B3GALT1: variants seen among roughly 807,000 people sequenced by gnomAD.
B3GALT1 encodes the protein beta-1,3-galactosyltransferase 1.
B3GALT1 carries 10 observed loss-of-function variants against 23.2 expected under a neutral mutation model. The observed-to-expected ratio is 0.43, with a 90% CI of 0.27 to 0.73. The LOEUF is 0.73. B3GALT1 is among the 30% of genes least tolerant of loss of function. The pLI is 0.21. For synonymous variants in B3GALT1, 156 were observed against 141.5 expected (o/e 1.10, Z -0.73); for missense variants, 299 against 405.4 (o/e 0.74, Z 2.25).
intron 4 of B3GALT1, among the ~76,000 whole-genome samples, chr2:167,837,947 A>C (rs1257835062): frequency 6.6e-6 from 1 of 152,202 alleles, no homozygotes; most frequent in African/African-American, 2.4e-5. Flanking sequence ...TAACAAATGA[A>C]GGCAGACATA....
At chr2:167,680,222 C>T (rs1409953756) in intron 3 of B3GALT1, among the ~76,000 whole-genome samples, 1 of 152,120 alleles carries the variant, frequency 6.6e-6, no homozygotes, top group Admixed American at 6.5e-5. Context: ...TTCAGATGCA[C>T]GGAAGAGATT....
chr2:167,776,450 CAG>C (rs1220995073), intron 3 of B3GALT1, among the ~76,000 whole-genome samples: 2 of 152,162 alleles, frequency 1.3e-5, no homozygotes, highest in African/African-American at 4.8e-5. Flanking sequence ...GTATGAAAGA[CAG>C]AGCTGATGAC....
At chr2:167,607,118 A>G (rs1684975910) in intron 2 of B3GALT1, among the ~76,000 whole-genome samples, 1 of 152,210 alleles carries the variant, frequency 6.6e-6, no homozygotes, top group African/African-American at 2.4e-5. Context: ...TGAATTAACA[A>G]GAAGAAAACA....
chr2:167,318,265 C>T lies in B3GALT1; in HGVS notation c.-511+24931C>T, dbSNP rs191152659. 1.3e-3 allele frequency among the ~76,000 whole-genome samples: 196 copies of T among 151,788 alleles called. 1 individual carries two copies. Among genetic ancestry groups the T allele is most frequent in the African/African-American group, 4.1e-3 (168 of 41,398 alleles). ...GCTTGAACCTAGGAGATGGAGGTTG[C>T]GGTGAGCCGAGATCACACCACTCCA... is the stretch of plus-strand genomic sequence containing the variant. On this transcript the variant is annotated intron_variant, in intron 1 of 4. Coordinates refer to ENST00000392690, the MANE Select transcript of B3GALT1 (RefSeq NM_020981.4).
At position 167,559,696 on chromosome 2, in the gene B3GALT1, A is replaced by T. The variant is rs368101729; in HGVS notation, c.-410+69419A>T. ...GACCCAGTGCGATCAACTGGAAGAA[A>T]GGGTATCAGTGATGGAAGACGAAAT... is the stretch of plus-strand genomic sequence containing the variant. On this transcript the variant is annotated intron_variant, in intron 2 of 4. Transcript: ENST00000392690. 1.1e-3 allele frequency among the ~76,000 whole-genome samples: 161 copies of T among 152,358 alleles called. 2 individuals are homozygous for T. The South Asian group carries it at 0.019, about 18-fold the overall frequency.
At chr2:167,761,614 G>A (rs771813778) in intron 3 of B3GALT1, among the ~76,000 whole-genome samples, 1 of 152,192 alleles carries the variant, frequency 6.6e-6, no homozygotes, top group African/African-American at 2.4e-5. Context: ...CCAAGGCAGT[G>A]AACCAGTACT....
intron 1 of B3GALT1, among the ~76,000 whole-genome samples, chr2:167,458,513 AATTTTTT>A (rs1559103408): frequency 1.3e-5 from 2 of 152,090 alleles, no homozygotes; most frequent in African/African-American, 4.8e-5. Context: ...TTCTATTTTT[AATTTTTT>A]GAGAAACTTC....
At chr2:167,690,746 C>T (rs1177958134) in intron 3 of B3GALT1, among the ~76,000 whole-genome samples, 1 of 152,116 alleles carries the variant, frequency 6.6e-6, no homozygotes, top group Non-Finnish European at 1.5e-5. Context: ...TCCCTAGTTT[C>T]ATCACTATTC....
intron 1 of B3GALT1, among the ~76,000 whole-genome samples, chr2:167,450,219 G>C (rs1264814018): frequency 2.9e-5 from 1 of 34,718 alleles, no homozygotes; most frequent in Non-Finnish European, 4.6e-5. Flanking sequence ...CCTTGTCCTG[G>C]AATATTTTTT....
At chr2:167,774,683 A>G (rs1688131996) in intron 3 of B3GALT1, among the ~76,000 whole-genome samples, 1 of 151,232 alleles carries the variant, frequency 6.6e-6, no homozygotes, top group Non-Finnish European at 1.5e-5. Context: ...TTTTTAGTAG[A>G]GACAGGGTTT....
At position 167,871,587 on chromosome 2, in the gene B3GALT1, G is replaced by A. The variant is rs1304447380; in HGVS notation, c.*1567G>A. 6.6e-6 allele frequency: 1 copy of A among 152,176 alleles called. No homozygotes were observed. 9.4% of individuals were successfully genotyped at this position (152,176 alleles called of 1,614,324 possible). On this transcript the variant is annotated 3_prime_UTR_variant, in exon 5 of 5. Transcript: ENST00000392690. ...TCAGTGTGTTGCCTTGATATCCCAA[G>A]GTGCTGAAAGTAGAGGCAGCTGCCT... is the stretch of plus-strand genomic sequence containing the variant.
At chr2:167,441,228 T>G (rs1275613453) in intron 1 of B3GALT1, among the ~76,000 whole-genome samples, 1 of 152,238 alleles carries the variant, frequency 6.6e-6, no homozygotes. Flanking sequence ...CACTTTTGAC[T>G]TGGATTCCAG....
chr2:167,652,818 A>G (rs1685890531), intron 3 of B3GALT1, among the ~76,000 whole-genome samples: 1 of 152,176 alleles, frequency 6.6e-6, no homozygotes, highest in African/African-American at 2.4e-5. Flanking sequence ...GCTACCTATA[A>G]ATATTTAACA....
rs1186812982 is a variant in B3GALT1 at position 167,347,692 on chromosome 2, G to A, written c.-511+54358G>A. On this transcript the variant is annotated intron_variant, in intron 1 of 4. Coordinates refer to ENST00000392690, the MANE Select transcript of B3GALT1 (RefSeq NM_020981.4). The stretch of plus-strand genomic sequence containing the variant: ...AGTGTCAGTATATAAAGTGTAGATC[G>A]GATGGAATCCAACAGAATCTGCAAT... 6.3e-4 allele frequency among the ~76,000 whole-genome samples: 53 copies of A among 83,610 alleles called. No homozygotes were observed. The Admixed American group carries it at 6.5e-3, about 10-fold the overall frequency. The allele number at this position is 83,610 out of a possible 152,430, so 54.9% of individuals were successfully genotyped here. A position where few individuals can be genotyped will look rare whatever the true frequency, so the allele number is the denominator to read the frequency against.
At chr2:167,602,098 A>G (rs1404434582) in intron 2 of B3GALT1, among the ~76,000 whole-genome samples, 1 of 152,188 alleles carries the variant, frequency 6.6e-6, no homozygotes, top group Non-Finnish European at 1.5e-5. Context: ...TAAAACATTG[A>G]TATAGAGTAT....
At chr2:167,835,499 C>T (rs912502143) in intron 4 of B3GALT1, among the ~76,000 whole-genome samples, 4 of 152,232 alleles carry the variant, frequency 2.6e-5, no homozygotes, top group African/African-American at 9.6e-5. Context: ...CACCATTGCC[C>T]ATGCTTGCTT....
intron 2 of B3GALT1, among the ~76,000 whole-genome samples, chr2:167,612,411 C>T (rs1685083780): frequency 7.0e-6 from 1 of 143,218 alleles, no homozygotes; most frequent in African/African-American, 2.8e-5. Flanking sequence ...AGCATGCTTC[C>T]TACTACAACT....
chr2:167,474,765 T>C (rs2105332845), intron 1 of B3GALT1, among the ~76,000 whole-genome samples: 1 of 152,256 alleles, frequency 6.6e-6, no homozygotes, highest in Non-Finnish European at 1.5e-5. Flanking sequence ...TTATTATCAT[T>C]TGGTAGACTC....
At chr2:167,543,033 A>T (rs987768282) in intron 2 of B3GALT1, among the ~76,000 whole-genome samples, 1 of 152,132 alleles carries the variant, frequency 6.6e-6, no homozygotes, top group African/African-American at 2.4e-5. Flanking sequence ...AGAGGGACTG[A>T]AAAGTGATTG....
Sources: gnomAD v4.1 joint callset for allele counts (sites outside exome capture counted in the v4.1 genomes callset) on GRCh38, gnomAD v4.1.1 for gene constraint, MANE v1.5 for transcripts, NCBI Gene and HGNC (gene_info 2026-07-23, HGNC 2026-07-21) for gene names.